SGCE: variants seen among roughly 807,000 people sequenced by gnomAD.
SGCE encodes epsilon-sarcoglycan.
A neutral mutation model predicts 57.8 loss-of-function variants in SGCE; 26 were observed. The observed-to-expected ratio is 0.45, with a 90% CI of 0.33 to 0.62. The LOEUF is 0.62. SGCE is among the 20% of genes least tolerant of loss of function. The pLI is 0.02. For missense variants in SGCE, 468 were observed against 548.6 expected (o/e 0.85, Z 1.47); for synonymous variants, 183 against 189.5 (o/e 0.97, Z 0.28).
At chr7:94,637,327 A>G (rs556251128) in intron 1 of SGCE, among the ~76,000 whole-genome samples, 1 of 152,340 alleles carries the variant, frequency 6.6e-6, no homozygotes, top group African/African-American at 2.4e-5. Flanking sequence ...TGTATAAGGT[A>G]TCTTGATAAT....
intron 1 of SGCE, 130 bp from the exon 2 acceptor site, chr7:94,629,971 G>A: frequency 1.0e-6 from 1 of 990,150 alleles, no homozygotes. Context: ...GAAGCAACAT[G>A]CAAGGAAACT....
chr7:94,586,895 TTAAGA>T (rs1796984104), intron 10 of SGCE: 2 of 985,016 alleles, frequency 2.0e-6, no homozygotes, highest in Non-Finnish European at 1.2e-6. Flanking sequence ...CCTTTGGCAC[TTAAGA>T]TATTTTGGGG....
intron 1 of SGCE, among the ~76,000 whole-genome samples, chr7:94,654,383 A>G (rs1377395276): frequency 9.8e-5 from 15 of 152,320 alleles, no homozygotes; most frequent in Non-Finnish European, 1.5e-5. Context: ...TCAGTTAACT[A>G]GGTGAAGTAA....
At position 94,600,492 on chromosome 7, in the gene SGCE, C is replaced by T. The variant is rs903708442; in HGVS notation, c.1037+154G>A. On this transcript the variant is annotated intron_variant, in intron 7 of 10. Coordinates refer to ENST00000648936, the MANE Select transcript of SGCE (RefSeq NM_003919.3). The stretch of plus-strand genomic sequence containing the variant: ...TACTAGACTCAAAACTATTTTAATT[C>T]ATTTTAAAGGAATAAAGTATTGCAG... The T allele has an allele frequency of 1.5e-5, 9 of 615,236 alleles. No homozygotes were observed. The African/African-American group carries it at 1.7e-4, about 11-fold the overall frequency. 38.1% of individuals were successfully genotyped at this position (615,236 alleles called of 1,614,324 possible).
intron 5 of SGCE, 52 bp from the exon 6 acceptor site, chr7:94,603,504 A>G (rs1236112092): frequency 6.5e-7 from 1 of 1,539,304 alleles, no homozygotes; most frequent in South Asian, 1.1e-5. Flanking sequence ...TGAAAACACT[A>G]AAAAACAATC....
chr7:94,610,275 G>A (rs954186889), intron 5 of SGCE, among the ~76,000 whole-genome samples: 2 of 152,132 alleles, frequency 1.3e-5, no homozygotes, highest in African/African-American at 4.8e-5. Context: ...ATACTATAAT[G>A]ATGGAAACAT....
intron 6 of SGCE, among the ~76,000 whole-genome samples, chr7:94,602,614 TCTC>T (rs1293516485): frequency 6.6e-6 from 1 of 151,888 alleles, no homozygotes; most frequent in African/African-American, 2.4e-5. Context: ...TTGAAACAAC[TCTC>T]CTGCTTTTCA....
At chr7:94,595,530 A>G (rs1798264392) in intron 9 of SGCE, among the ~76,000 whole-genome samples, 1 of 152,120 alleles carries the variant, frequency 6.6e-6, no homozygotes, top group African/African-American at 2.4e-5. Context: ...GTAAATTAAT[A>G]AGTACAAGAC....
intron 9 of SGCE, among the ~76,000 whole-genome samples, chr7:94,591,950 C>T (rs934631861): frequency 1.3e-5 from 2 of 152,260 alleles, no homozygotes; most frequent in African/African-American, 4.8e-5. Flanking sequence ...CTCATGCACT[C>T]CTTGCAGTTT....
At chr7:94,605,547 G>T (rs1177012290) in intron 5 of SGCE, among the ~76,000 whole-genome samples, 1 of 151,980 alleles carries the variant, frequency 6.6e-6, no homozygotes, top group Non-Finnish European at 1.5e-5. Context: ...GAAAGACAGG[G>T]ATTATTTTAT....
At chr7:94,615,828 T>C (rs552868196) in intron 5 of SGCE, among the ~76,000 whole-genome samples, 1 of 152,280 alleles carries the variant, frequency 6.6e-6, no homozygotes, top group Admixed American at 6.5e-5. Flanking sequence ...TGGAATGAAA[T>C]ATGAACCTGC....
At position 94,639,329 on chromosome 7, in the gene SGCE, A is replaced by G. The variant is rs1031902048; in HGVS notation, c.110-9488T>C. 3.4e-6 allele frequency: 5 copies of G among 1,481,100 alleles called. No homozygotes were observed. In the Admixed American group the frequency reaches 7.9e-5, roughly 23 times the overall value. 91.7% of individuals were successfully genotyped at this position (1,481,100 alleles called of 1,614,324 possible). A position where few individuals can be genotyped will look rare whatever the true frequency, so the allele number is the denominator to read the frequency against. On this transcript the variant is annotated intron_variant, in intron 1 of 10. Transcript: ENST00000648936. ...TCCCCCAAAGGGATTTAGATTTACA[A>G]CCTAAACTCACCATCTTTCATCCCA...
intron 9 of SGCE, chr7:94,590,791 TAAG>T (rs1797569997): frequency 6.6e-6 from 1 of 152,204 alleles, no homozygotes; most frequent in Non-Finnish European, 1.5e-5. Flanking sequence ...ACAGCAATTC[TAAG>T]AAATCTGTAA....
chr7:94,587,028 G>A (rs1797000255), intron 10 of SGCE: 1 of 983,618 alleles, frequency 1.0e-6, no homozygotes, highest in Non-Finnish European at 1.2e-6. Flanking sequence ...AGGCTCTAGT[G>A]TTAACTAAAA....
intron 5 of SGCE, among the ~76,000 whole-genome samples, chr7:94,613,780 G>T (rs1020330335): frequency 1.3e-5 from 2 of 152,080 alleles, no homozygotes; most frequent in African/African-American, 4.8e-5. Context: ...GAAGATAAAA[G>T]ACAGTTTAGA....
At chr7:94,594,044 G>A (rs757237816) in intron 9 of SGCE, among the ~76,000 whole-genome samples, 2 of 152,014 alleles carry the variant, frequency 1.3e-5, no homozygotes, top group African/African-American at 4.8e-5. Flanking sequence ...CGTGGTTTGG[G>A]AACAAGGCTA....
At chr7:94,615,345 C>G (rs926090790) in intron 5 of SGCE, among the ~76,000 whole-genome samples, 1 of 150,366 alleles carries the variant, frequency 6.7e-6, no homozygotes, top group Non-Finnish European at 1.5e-5. Context: ...GGTGACAGAG[C>G]AAGACTCTGT....
At position 94,598,879 on chromosome 7, in the gene SGCE, G is replaced by C. The variant is rs760687034; in HGVS notation, c.1149C>G (p.Pro383=). 1 of 1,613,334 alleles carries C rather than the reference G, an allele frequency of 6.2e-7. No homozygotes were observed. Among genetic ancestry groups the C allele is most frequent in the Non-Finnish European group, 8.5e-7 (1 of 1,179,328 alleles). The part of the protein sequence containing the change: ...DMSKNREIAW[P]LSTLPVFHPV... ...GGTGGAACACAGGAAGCGTTGACAG[G>C]GGCCATGCTATCTCTCTATTCTTGG... Residue 383 remains proline (P), a synonymous_variant, in exon 9 of 11, where the codon CCC becomes CCG. Coordinates refer to ENST00000648936, the MANE Select transcript of SGCE (RefSeq NM_003919.3).
intron 1 of SGCE, among the ~76,000 whole-genome samples, chr7:94,638,721 G>T (rs1187847130): frequency 1.3e-5 from 2 of 151,854 alleles, no homozygotes; most frequent in Admixed American, 1.3e-4. Context: ...TGACTGTTAA[G>T]TAATGCCTTT....
Sources: gnomAD v4.1 joint callset for allele counts (sites outside exome capture counted in the v4.1 genomes callset) on GRCh38, gnomAD v4.1.1 for gene constraint, MANE v1.5 for transcripts, NCBI Gene and HGNC (gene_info 2026-07-23, HGNC 2026-07-21) for gene names.